The following CNTLN variants were observed in gnomAD, a reference collection of about 807,000 sequenced individuals.
CNTLN encodes the protein centlein.
Under a neutral mutation model 180.0 loss-of-function variants are expected in CNTLN, and 212 were observed. The observed-to-expected ratio is 1.18, with a 90% CI of 1.05 to 1.32. CNTLN has a LOEUF of 1.32. Ranked by LOEUF, CNTLN falls within the 40% of genes most tolerant of loss-of-function variation. CNTLN has a pLI of 0.00. For synonymous variants in CNTLN, 722 were observed against 563.1 expected (o/e 1.28, Z -3.99); for missense variants, 2,095 against 1,610.9 (o/e 1.30, Z -5.14).
intron 5 of CNTLN, among the ~76,000 whole-genome samples, chr9:17,258,765 GC>G (rs1200227872): frequency 2.7e-5 from 4 of 145,692 alleles, no homozygotes; most frequent in Non-Finnish European, 6.0e-5. Context: ...TCATGATTTG[GC>G]TCTCTGTTTG....
intron 2 of CNTLN, among the ~76,000 whole-genome samples, chr9:17,189,851 C>T (rs1563863421): frequency 6.6e-6 from 1 of 151,980 alleles, no homozygotes; most frequent in African/African-American, 2.4e-5. Context: ...GAGGTCTTTT[C>T]ACTCTGACTG....
At chr9:17,386,545 G>A (rs112253020) in intron 13 of CNTLN, among the ~76,000 whole-genome samples, 1 of 152,150 alleles carries the variant, frequency 6.6e-6, no homozygotes, top group Non-Finnish European at 1.5e-5. Context: ...AAGAGAAAGA[G>A]AATCAAGGGC....
chr9:17,397,630 G>A (rs1229395484), intron 15 of CNTLN, among the ~76,000 whole-genome samples: 1 of 152,130 alleles, frequency 6.6e-6, no homozygotes. Flanking sequence ...ATCTCATCCT[G>A]TGACTTAGAT....
intron 2 of CNTLN, among the ~76,000 whole-genome samples, chr9:17,209,544 C>T (rs1425977030): frequency 2.6e-5 from 4 of 152,138 alleles, no homozygotes; most frequent in Non-Finnish European, 5.9e-5. Context: ...TATTCTTGTA[C>T]TTGGGCCTTG....
intron 1 of CNTLN, among the ~76,000 whole-genome samples, chr9:17,137,434 A>G (rs898248906): frequency 6.6e-6 from 1 of 152,202 alleles, no homozygotes. Flanking sequence ...TCAGCTAGAG[A>G]TCACAGTACC....
In CNTLN at chr9:17,202,848, A is replaced by AT. The variant is rs906654174; in HGVS notation, c.450-23348dup. On this transcript the variant is annotated intron_variant, in intron 2 of 25. Coordinates refer to ENST00000380647, the MANE Select transcript of CNTLN (RefSeq NM_017738.4). The stretch of plus-strand genomic sequence containing the variant: ...TAGCCCATTTACATTTAAGGTTAAT[A>AT]TTTTTTTGTGTGAATTTGATCCTGT... 2.6e-4 allele frequency among the ~76,000 whole-genome samples: 39 copies of AT among 147,796 alleles called. 1 individual carries two copies. The highest frequency in any genetic ancestry group is 1.8e-3 in the Admixed American group (27 of 15,140).
intron 5 of CNTLN, among the ~76,000 whole-genome samples, chr9:17,256,316 T>C (rs527526370): frequency 1.1e-4 from 17 of 152,130 alleles, no homozygotes; most frequent in Non-Finnish European, 2.4e-4. Flanking sequence ...TTTTTATTTT[T>C]AGCTCTTTGA....
At chr9:17,501,019 C>G (rs12345698) in intron 25 of CNTLN, among the ~76,000 whole-genome samples, 3,270 of 152,240 alleles carry the variant, frequency 0.021, 95 homozygotes, top group African/African-American at 0.075. Context: ...TTTTGCTTAT[C>G]TCTAAGATAT....
chr9:17,428,460 A>G (rs1037331635), intron 18 of CNTLN, among the ~76,000 whole-genome samples: 1 of 152,182 alleles, frequency 6.6e-6, no homozygotes, highest in African/African-American at 2.4e-5. Context: ...ATAAGTTCAT[A>G]TGCCTACTGA....
At position 17,198,248 on chromosome 9, in the gene CNTLN, TG is replaced by T. The variant is rs759101484; in HGVS notation, c.450-27954del. Among the ~76,000 whole-genome samples the T allele has an allele frequency of 5.3e-5, 8 of 152,162 alleles. 1 individual carries two copies. The East Asian group carries it at 5.8e-4, about 11-fold the overall frequency. On this transcript the variant is annotated intron_variant, in intron 2 of 25. Coordinates refer to ENST00000380647, the MANE Select transcript of CNTLN (RefSeq NM_017738.4). ...GGTGGTTCCATATAAAGTTTAGAATTGTTTTTTTCTATTTTTGTGAAGAATA... is the reference window on the plus strand; with the variant it reads ...GGTGGTTCCATATAAAGTTTAGAATTTTTTTTTCTATTTTTGTGAAGAATA...
At chr9:17,349,507 A>G (rs1822187335) in intron 12 of CNTLN, among the ~76,000 whole-genome samples, 1 of 152,158 alleles carries the variant, frequency 6.6e-6, no homozygotes, top group Non-Finnish European at 1.5e-5. Context: ...AGACTTTTAT[A>G]AAACATTGTA....
At position 17,237,300 on chromosome 9, in the gene CNTLN, C is replaced by T. The variant is rs1825206229; in HGVS notation, c.849+712C>T. 4.0e-5 allele frequency among the ~76,000 whole-genome samples: 6 copies of T among 148,398 alleles called. No homozygotes were observed. In the Admixed American group the frequency reaches 4.1e-4, roughly 10 times the overall value. ...AAACTATAGATTTTGTTGAAAAGGG[C>T]AGACACAGATTTTAGTACTAGTAAA... On this transcript the variant is annotated intron_variant, in intron 5 of 25. Coordinates refer to ENST00000380647, the MANE Select transcript of CNTLN (RefSeq NM_017738.4).
intron 2 of CNTLN, among the ~76,000 whole-genome samples, chr9:17,199,821 T>C (rs931613863): frequency 3.3e-5 from 5 of 152,218 alleles, no homozygotes; most frequent in Non-Finnish European, 7.3e-5. Flanking sequence ...TTTCTTTTCC[T>C]GTGCATAAGT....
intron 6 of CNTLN, among the ~76,000 whole-genome samples, chr9:17,290,198 C>G (rs949473594): frequency 1.4e-3 from 220 of 152,088 alleles, no homozygotes; most frequent in African/African-American, 4.9e-3. Flanking sequence ...GTGTGGATGT[C>G]CTTTCTGTTT....
chr9:17,427,073 C>G (rs1346884565), intron 18 of CNTLN, among the ~76,000 whole-genome samples: 1 of 152,090 alleles, frequency 6.6e-6, no homozygotes, highest in African/African-American at 2.4e-5. Context: ...TACCCTTGAA[C>G]TGAAGTTGCA....
chr9:17,446,756 C>G (rs1451466588), intron 18 of CNTLN, among the ~76,000 whole-genome samples: 1 of 152,094 alleles, frequency 6.6e-6, no homozygotes, highest in Admixed American at 6.5e-5. Flanking sequence ...TTTCCTCTGG[C>G]TAGTCCACAA....
chr9:17,505,257 TC>T (rs1833911433), downstream of CNTLN, among the ~76,000 whole-genome samples: 2 of 151,918 alleles, frequency 1.3e-5, no homozygotes, highest in Non-Finnish European at 2.9e-5. Context: ...CCCCCTATAA[TC>T]AGGAAGAAGG....
chr9:17,482,045 A>G (rs1287280937), intron 23 of CNTLN, among the ~76,000 whole-genome samples: 2 of 152,230 alleles, frequency 1.3e-5, no homozygotes, highest in African/African-American at 2.4e-5. Context: ...ATGAAGAATC[A>G]TGGAAAAATG....
At chr9:17,196,138 C>G (rs1173207198) in intron 2 of CNTLN, among the ~76,000 whole-genome samples, 1 of 152,144 alleles carries the variant, frequency 6.6e-6, no homozygotes, top group Non-Finnish European at 1.5e-5. Context: ...GTTCTCCTGG[C>G]TCAGCCTCCT....
Sources: allele counts gnomAD v4.1 joint callset (sites outside exome capture counted in the v4.1 genomes callset), GRCh38; gene constraint gnomAD v4.1.1; transcripts MANE v1.5; gene names NCBI Gene and HGNC (gene_info 2026-07-23, HGNC 2026-07-21).